Variants in RASGRF2 observed in about 807,000 individuals in gnomAD.
RASGRF2 encodes the protein ras-specific guanine nucleotide-releasing factor 2.
Under a neutral mutation model 151.0 loss-of-function variants are expected in RASGRF2, and 76 were observed. The observed-to-expected ratio is 0.50, with a 90% CI of 0.42 to 0.61. The LOEUF (loss-of-function observed/expected upper bound fraction) is 0.61, where lower values mean the gene tolerates loss of function less well. Ranked by LOEUF, RASGRF2 falls within the 20% of genes least tolerant of loss-of-function variation. RASGRF2 has a pLI of 0.00. For synonymous variants in RASGRF2, 504 were observed against 566.5 expected (o/e 0.89, Z 1.57); for missense variants, 1,148 against 1,564.6 (o/e 0.73, Z 4.49).
chr5:81,101,849 A>T (rs923990412), intron 12 of RASGRF2, among the ~76,000 whole-genome samples: 1 of 152,178 alleles, frequency 6.6e-6, no homozygotes, highest in African/African-American at 2.4e-5. Context: ...AATAATTTTG[A>T]TGCTTGACAA....
chr5:81,061,478 G>T (rs1751429222), intron 2 of RASGRF2, among the ~76,000 whole-genome samples: 2 of 149,340 alleles, frequency 1.3e-5, no homozygotes, highest in Admixed American at 6.7e-5. Context: ...ACCAGTTTTG[G>T]TAAATAATTT....
At chr5:81,216,369 GCACACA>G (rs1043898848) in intron 24 of RASGRF2, among the ~76,000 whole-genome samples, 1 of 144,150 alleles carries the variant, frequency 6.9e-6, no homozygotes, top group Non-Finnish European at 1.5e-5. Flanking sequence ...ACACACACAC[GCACACA>G]CACACACACA....
chr5:81,131,598 G>A (rs1753620783), intron 17 of RASGRF2, among the ~76,000 whole-genome samples: 1 of 151,584 alleles, frequency 6.6e-6, no homozygotes, highest in South Asian at 2.1e-4. Flanking sequence ...TGGGTGATCT[G>A]TCTGCCTTGG....
intron 1 of RASGRF2, among the ~76,000 whole-genome samples, chr5:81,021,889 T>C (rs1229342076): frequency 2.0e-5 from 3 of 152,036 alleles, no homozygotes; most frequent in African/African-American, 7.2e-5. Context: ...GGCTGAAGTA[T>C]GGGGATCACT....
At chr5:81,040,719 A>T (rs979631082) in intron 1 of RASGRF2, among the ~76,000 whole-genome samples, 2 of 152,090 alleles carry the variant, frequency 1.3e-5, no homozygotes, top group Non-Finnish European at 2.9e-5. Context: ...TTGTTTCTAC[A>T]CCTGAGGATT....
rs138035055 is a variant in RASGRF2 at position 81,113,847 on chromosome 5, G to A, written c.2397G>A (p.Pro799=). The A allele has an allele frequency of 9.9e-4, 1,603 of 1,614,162 alleles. No individual in the cohort carries two copies. The highest frequency in any genetic ancestry group is 1.2e-3 in the Non-Finnish European group (1,413 of 1,180,020). ...SRGLSSPEQS[P]GTVEENVDNP... Reference sequence around the variant, plus strand: ...GCCTCTCTTCTCCAGAGCAAAGCCCGGGAACGGTAGAAGAGAATGTCGATA... The same window carrying A: ...GCCTCTCTTCTCCAGAGCAAAGCCCAGGAACGGTAGAAGAGAATGTCGATA... The change falls in exon 15 of 27, where the codon CCG becomes CCA. Residue 799 remains proline (P), a synonymous_variant. Transcript: ENST00000265080.
chr5:80,969,324 C>T (rs1484765590), intron 1 of RASGRF2, among the ~76,000 whole-genome samples: 1 of 151,468 alleles, frequency 6.6e-6, no homozygotes, highest in African/African-American at 2.4e-5. Context: ...TTAGTAGAGA[C>T]AGGGTTTCAC....
At chr5:81,178,782 A>T (rs1754841319) in intron 17 of RASGRF2, among the ~76,000 whole-genome samples, 1 of 151,982 alleles carries the variant, frequency 6.6e-6, no homozygotes, top group Non-Finnish European at 1.5e-5. Flanking sequence ...TCTGTCGCCC[A>T]TGCTGGAGTG....
Position 81,080,109 on chromosome 5 carries a change from CT to C in RASGRF2, c.888-5del, listed in dbSNP as rs752430454. 8 of 1,591,678 alleles carry C rather than the reference CT, an allele frequency of 5.0e-6. No homozygotes were observed. Among genetic ancestry groups the C allele is most frequent in the Admixed American group, 1.9e-5 (1 of 52,332 alleles). On this transcript the variant is annotated splice_polypyrimidine_tract_variant and intron_variant, in intron 5 of 26. Coordinates refer to ENST00000265080, the MANE Select transcript of RASGRF2 (RefSeq NM_006909.3). ...TAGCAACTAAATTATATTATTTTTCCTTTTTTTATAGTGAAACAATCATGTT... is the reference window on the plus strand; with the variant it reads ...TAGCAACTAAATTATATTATTTTTCCTTTTTTATAGTGAAACAATCATGTT...
chr5:81,197,969 C>A (rs998171784), intron 18 of RASGRF2, among the ~76,000 whole-genome samples: 2 of 152,016 alleles, frequency 1.3e-5, no homozygotes, highest in East Asian at 3.9e-4. Context: ...TTTTTCCCAA[C>A]ATTTACCTTG....
At chr5:81,073,498 T>C in intron 5 of RASGRF2, 46 bp downstream of exon 5, 2 of 1,551,420 alleles carry the variant, frequency 1.3e-6, no homozygotes, top group Non-Finnish European at 1.7e-6. Flanking sequence ...AACCCCTTTG[T>C]ATTTCCAACA....
intron 1 of RASGRF2, among the ~76,000 whole-genome samples, chr5:81,006,049 G>C (rs1749258599): frequency 6.6e-6 from 1 of 152,166 alleles, no homozygotes; most frequent in African/African-American, 2.4e-5. Context: ...AGGCTTTCAA[G>C]ATATGAAGGG....
chr5:81,107,339 G>C (rs778136365), intron 12 of RASGRF2, among the ~76,000 whole-genome samples: 4 of 152,084 alleles, frequency 2.6e-5, no homozygotes, highest in Admixed American at 6.6e-5. Flanking sequence ...TCCAGCCTAG[G>C]CAACAGAATG....
At position 81,094,408 on chromosome 5, in the gene RASGRF2, G is replaced by A. The variant is rs764592079; in HGVS notation, c.1618+46G>A. ...TAGGATTCTATTAGAATTAGAGGCG[G>A]GAGAGAGAGGCTGAGGATAAACTCC... On this transcript the variant is annotated intron_variant, in intron 11 of 26. Transcript: ENST00000265080. 9.8e-6 allele frequency: 15 copies of A among 1,533,544 alleles called. No homozygotes were observed. The African/African-American group carries it at 2.1e-4, about 21-fold the overall frequency. The allele number at this position is 1,533,544 out of a possible 1,614,324, so 95.0% of individuals were successfully genotyped here.
rs1352392454 is a variant in RASGRF2 at position 81,181,273 on chromosome 5, A to G, written c.2793+992A>G. The stretch of plus-strand genomic sequence containing the variant: ...GGTCCTCGGTAGTGACAGTCTGTTC[A>G]ATAGGGTCACCATGAGGGCAGGCTC... On this transcript the variant is annotated intron_variant, in intron 18 of 26. Transcript: ENST00000265080. Among the ~76,000 whole-genome samples, 4 of 152,214 alleles carry G rather than the reference A, an allele frequency of 2.6e-5. No homozygotes were observed. In the East Asian group the frequency reaches 7.7e-4, roughly 29 times the overall value.
chr5:81,042,916 C>A lies in RASGRF2; in HGVS notation c.328C>A (p.Pro110Thr), dbSNP rs777685143. 14 of 1,612,860 alleles carry A rather than the reference C, an allele frequency of 8.7e-6. No individual in the cohort carries two copies. In the South Asian group the frequency reaches 8.8e-5, roughly 10 times the overall value. Residue 110 changes from proline to threonine, a missense_variant, in exon 2 of 27, where the codon CCA (proline) becomes ACA (threonine). Pro to Thr is a conservative substitution (Grantham distance 38). Transcript: ENST00000265080. ...TCTTTTTGGCCATGAAGGTCAGAAGCCACTGGAGCTGCGCTGTGAGGAGGA... is the reference window on the plus strand; with the variant it reads ...TCTTTTTGGCCATGAAGGTCAGAAGACACTGGAGCTGCGCTGTGAGGAGGA... ...TVLFGHEGQKPLELRCEEEQD... is the reference protein window; with the variant it reads ...TVLFGHEGQKTLELRCEEEQD...
intron 1 of RASGRF2, among the ~76,000 whole-genome samples, chr5:81,035,836 TA>T (rs766271734): frequency 3.3e-5 from 5 of 152,010 alleles, no homozygotes; most frequent in African/African-American, 4.8e-5. Flanking sequence ...AAAGAGAGAA[TA>T]GGGGGCATGG....
In RASGRF2 at chr5:81,101,333, A is replaced by G. The variant is rs369341833; in HGVS notation, c.1755+6341A>G. 6.6e-5 allele frequency among the ~76,000 whole-genome samples: 10 copies of G among 152,014 alleles called. No individual in the cohort carries two copies. In the East Asian group the frequency reaches 1.7e-3, roughly 26 times the overall value. ...TCTGTTCATGTACACACTCACATAT[A>G]CCAATTCTATTATAGTTTAACTTTT... On this transcript the variant is annotated intron_variant, in intron 12 of 26. Transcript: ENST00000265080.
chr5:81,168,223 C>T (rs1465238406), intron 17 of RASGRF2, among the ~76,000 whole-genome samples: 1 of 151,982 alleles, frequency 6.6e-6, no homozygotes, highest in East Asian at 1.9e-4. Context: ...GAACTGTTCT[C>T]CTGCAGTTAC....
Sources: allele counts gnomAD v4.1 joint callset (sites outside exome capture counted in the v4.1 genomes callset), GRCh38; gene constraint gnomAD v4.1.1; transcripts MANE v1.5; gene names NCBI Gene and HGNC (gene_info 2026-07-23, HGNC 2026-07-21).